Variants in FOXP2 observed in about 807,000 individuals in gnomAD.
The protein encoded by FOXP2 is forkhead box P2.
In FOXP2, 12 loss-of-function variants were observed where a neutral mutation model predicts 115.8. The observed-to-expected ratio is 0.10, with a 90% CI of 0.07 to 0.17. FOXP2 has a LOEUF of 0.17. Among genes scored for constraint, FOXP2 ranks in the 10% least tolerant of loss-of-function variants. The probability of loss-of-function intolerance (pLI) is 1.00; values close to 1 mark genes in which losing one functional copy is unlikely to be tolerated. For synonymous variants in FOXP2, 328 were observed against 297.7 expected (o/e 1.10, Z -1.05); for missense variants, 629 against 843.5 (o/e 0.75, Z 3.15).
intron 2 of FOXP2, among the ~76,000 whole-genome samples, chr7:114,323,318 T>G (rs1444364241): frequency 6.6e-6 from 1 of 152,118 alleles, no homozygotes; most frequent in African/African-American, 2.4e-5. Flanking sequence ...AGCAGTACAT[T>G]GCCTTTGTCA....
intron 1 of FOXP2, among the ~76,000 whole-genome samples, chr7:114,207,129 T>C (rs1184917609): frequency 6.6e-6 from 1 of 152,244 alleles, no homozygotes; most frequent in African/African-American, 2.4e-5. Context: ...TATTGCAGCA[T>C]GTATCAGTAC....
intron 2 of FOXP2, among the ~76,000 whole-genome samples, chr7:114,445,869 C>T (rs1794812728): frequency 6.6e-6 from 1 of 152,018 alleles, no homozygotes. Context: ...GATACTCTAT[C>T]AAGATGTTAA....
At chr7:114,491,122 A>G (rs1797030055) in intron 2 of FOXP2, among the ~76,000 whole-genome samples, 1 of 152,200 alleles carries the variant, frequency 6.6e-6, no homozygotes, top group South Asian at 2.1e-4. Flanking sequence ...AGACCCACCA[A>G]CAGTGTAACA....
At chr7:114,643,409 G>A (rs1192002906) in intron 7 of FOXP2, among the ~76,000 whole-genome samples, 1 of 151,978 alleles carries the variant, frequency 6.6e-6, no homozygotes, top group Non-Finnish European at 1.5e-5. Flanking sequence ...GCTAGATGAT[G>A]GAAAATCTGG....
intron 6 of FOXP2, among the ~76,000 whole-genome samples, chr7:114,635,267 T>G (rs879506688): frequency 1.3e-5 from 2 of 152,212 alleles, no homozygotes; most frequent in Non-Finnish European, 2.9e-5. Context: ...TGCCTACTTC[T>G]GGCATCCTGG....
chr7:114,646,232 A>T (rs571824768), intron 8 of FOXP2, among the ~76,000 whole-genome samples: 54 of 152,154 alleles, frequency 3.5e-4, no homozygotes, highest in Middle Eastern at 3.4e-3. Context: ...AGAATGGCAA[A>T]TTATGCCATA....
chr7:114,303,724 G>A (rs1796932440), intron 2 of FOXP2, among the ~76,000 whole-genome samples: 1 of 151,846 alleles, frequency 6.6e-6, no homozygotes, highest in South Asian at 2.1e-4. Flanking sequence ...TCAACTTTTG[G>A]GGCAAGTTAA....
In FOXP2 at chr7:114,213,214, C is replaced by T. The variant is rs1049794963; in HGVS notation, c.-102+50126C>T. 4.6e-5 allele frequency among the ~76,000 whole-genome samples: 7 copies of T among 152,124 alleles called. No homozygotes were observed. The South Asian group carries it at 1.0e-3, about 23-fold the overall frequency. The stretch of plus-strand genomic sequence containing the variant: ...TTTACATAGGTATTTCTAGAAATTG[C>T]CTCATACTAGGAGTGTTACAGGAAG... On this transcript the variant is annotated intron_variant, in intron 1 of 17. Coordinates refer to the FOXP2 transcript ENST00000634411.
chr7:114,137,373 C>T (rs2129146388), intron 1 of FOXP2, among the ~76,000 whole-genome samples: 1 of 152,166 alleles, frequency 6.6e-6, no homozygotes, highest in Non-Finnish European at 1.5e-5. Context: ...TCAGAGGATA[C>T]ATTTTTAAAT....
rs182701989 is a variant in FOXP2 at position 114,541,999 on chromosome 7, C to T, written c.258+7293C>T. Among the ~76,000 whole-genome samples the T allele has an allele frequency of 1.6e-4, 25 of 151,944 alleles. No individual in the cohort carries two copies. In the East Asian group the frequency reaches 4.8e-3, roughly 29 times the overall value. On this transcript the variant is annotated intron_variant, in intron 3 of 16. Transcript: ENST00000350908. ...ATGACAAAGTGAAGAACAGTGTCAG[C>T]ACATGATTAAAGACAAAAAGTAAAA...
chr7:114,523,609 T>C (rs984359047), intron 2 of FOXP2, among the ~76,000 whole-genome samples: 1 of 152,186 alleles, frequency 6.6e-6, no homozygotes, highest in Non-Finnish European at 1.5e-5. Context: ...TTTTTTTCTC[T>C]TCTGTGCCTC....
At chr7:114,446,024 C>T (rs1794820987) in intron 2 of FOXP2, among the ~76,000 whole-genome samples, 1 of 137,596 alleles carries the variant, frequency 7.3e-6, no homozygotes, top group Non-Finnish European at 1.5e-5. Context: ...ATTAATTAGT[C>T]TGTAATATGA....
intron 3 of FOXP2, among the ~76,000 whole-genome samples, chr7:114,618,464 G>A (rs1207278532): frequency 6.6e-6 from 1 of 152,130 alleles, no homozygotes; most frequent in Non-Finnish European, 1.5e-5. Context: ...TAGAGACTAT[G>A]GTGATTTATC....
At chr7:114,288,554 C>A (rs1191065701) in intron 2 of FOXP2, among the ~76,000 whole-genome samples, 2 of 151,610 alleles carry the variant, frequency 1.3e-5, no homozygotes, top group East Asian at 3.9e-4. Flanking sequence ...GAATAATATA[C>A]CAGTAATGAA....
intron 3 of FOXP2, among the ~76,000 whole-genome samples, chr7:114,583,279 C>T (rs1023184962): frequency 4.6e-5 from 7 of 151,846 alleles, no homozygotes; most frequent in South Asian, 2.1e-4. Flanking sequence ...CTTGGGTGGC[C>T]GAGGCAGGAG....
chr7:114,330,098 C>G (rs948102468), intron 2 of FOXP2, among the ~76,000 whole-genome samples: 34 of 152,022 alleles, frequency 2.2e-4, no homozygotes, highest in African/African-American at 8.2e-4. Flanking sequence ...GCCCTTGATT[C>G]AAGTCTGTGG....
At chr7:114,645,187 A>G (rs1379163725) in intron 8 of FOXP2, 1 of 100,422 alleles carries the variant, frequency 1.0e-5, no homozygotes, top group Non-Finnish European at 2.0e-5. Flanking sequence ...TATTTCAGTA[A>G]ACATATTTTG....
intron 3 of FOXP2, among the ~76,000 whole-genome samples, chr7:114,550,147 T>C (rs1472440273): frequency 2.1e-5 from 3 of 142,124 alleles, no homozygotes; most frequent in Non-Finnish European, 4.5e-5. Flanking sequence ...AGATGGAGTC[T>C]CGCTCTGTCG....
chr7:114,143,304 C>A (rs1252556227), intron 1 of FOXP2, among the ~76,000 whole-genome samples: 11 of 151,818 alleles, frequency 7.2e-5, no homozygotes, highest in Admixed American at 7.2e-4. Context: ...TTTAAAAGGC[C>A]TAATTTATCA....
Sources: gnomAD v4.1 joint callset for allele counts (sites outside exome capture counted in the v4.1 genomes callset) on GRCh38, gnomAD v4.1.1 for gene constraint, MANE v1.5 for transcripts, NCBI Gene and HGNC (gene_info 2026-07-23, HGNC 2026-07-21) for gene names.